RBFOX1: variants seen among roughly 807,000 people sequenced by gnomAD.
RBFOX1 encodes RNA binding protein fox-1 homolog 1.
In RBFOX1, 8 loss-of-function variants were observed where a neutral mutation model predicts 57.7. The observed-to-expected ratio is 0.14, with a 90% confidence interval of 0.08 to 0.25. The LOEUF is 0.25. RBFOX1 is among the 10% of genes least tolerant of loss of function. The probability of loss-of-function intolerance (pLI) is 1.00; values close to 1 mark genes in which losing one functional copy is unlikely to be tolerated. For synonymous variants in RBFOX1, 326 were observed against 222.4 expected (o/e 1.47, Z -4.15); for missense variants, 611 against 548.5 (o/e 1.11, Z -1.14).
chr16:7,160,171 C>A (rs2078004844), intron 4 of RBFOX1, among the ~76,000 whole-genome samples: 1 of 151,784 alleles, frequency 6.6e-6, no homozygotes, highest in Non-Finnish European at 1.5e-5. Flanking sequence ...TTCTTGGTTT[C>A]CAAACTTCAT....
chr16:6,367,431 C>T (rs2534750), intron 2 of RBFOX1, among the ~76,000 whole-genome samples: 4,910 of 152,052 alleles, frequency 0.032, 263 homozygotes, highest in African/African-American at 0.11. Context: ...CCACCATGCC[C>T]GGCTAATTTT....
At chr16:6,340,948 A>C (rs1319781371) in intron 2 of RBFOX1, among the ~76,000 whole-genome samples, 4 of 152,112 alleles carry the variant, frequency 2.6e-5, no homozygotes, top group Non-Finnish European at 4.4e-5. Context: ...CATTAGGAAA[A>C]CCAGAAGAAA....
intron 2 of RBFOX1, among the ~76,000 whole-genome samples, chr16:5,524,908 C>T (rs1180532205): frequency 1.3e-5 from 2 of 152,096 alleles, no homozygotes; most frequent in African/African-American, 2.4e-5. Context: ...ACTTCCCAGC[C>T]CCACAAGTCC....
chr16:5,441,172 T>C (rs1321855139), intron 1 of RBFOX1, among the ~76,000 whole-genome samples: 1 of 152,122 alleles, frequency 6.6e-6, no homozygotes, highest in Non-Finnish European at 1.5e-5. Flanking sequence ...TTGAAAGATA[T>C]GCATAATTTC....
chr16:7,611,210 A>G (rs376053602), intron 10 of RBFOX1, among the ~76,000 whole-genome samples: 1 of 152,260 alleles, frequency 6.6e-6, no homozygotes, highest in South Asian at 2.1e-4. Context: ...ATTAAAATCA[A>G]TATTTTCAAT....
In RBFOX1 at chr16:5,383,541, T is replaced by G. The variant is rs562368129; in HGVS notation, c.220-83675T>G. The stretch of plus-strand genomic sequence containing the variant: ...AAGACATAGAATATTCAGAGGAAAC[T>G]GCTTAAACTTTCTGAGCCTCAGTTT... On this transcript the variant is annotated intron_variant, in intron 1 of 2. Transcript: ENST00000585867. Among the ~76,000 whole-genome samples the G allele has an allele frequency of 2.0e-5, 3 of 152,344 alleles. No homozygotes were observed. The East Asian group carries it at 5.8e-4, about 29-fold the overall frequency.
chr16:7,129,563 C>G (rs1439268865), intron 4 of RBFOX1, among the ~76,000 whole-genome samples: 3 of 152,056 alleles, frequency 2.0e-5, no homozygotes, highest in Admixed American at 2.0e-4. Context: ...TTTGCCCTAT[C>G]TCCTGGGGAA....
At chr16:6,448,621 T>C (rs1850232530) in intron 2 of RBFOX1, among the ~76,000 whole-genome samples, 1 of 152,210 alleles carries the variant, frequency 6.6e-6, no homozygotes, top group Non-Finnish European at 1.5e-5. Flanking sequence ...GATGTTTCTT[T>C]TTCCCCCTAA....
chr16:7,471,552 C>G (rs992060598), intron 4 of RBFOX1, among the ~76,000 whole-genome samples: 1 of 151,934 alleles, frequency 6.6e-6, no homozygotes, highest in Non-Finnish European at 1.5e-5. Flanking sequence ...ATCAGTAGGA[C>G]ATTTCAAAAA....
intron 4 of RBFOX1, among the ~76,000 whole-genome samples, chr16:5,970,928 A>G (rs17718044): frequency 2.6e-4 from 39 of 152,336 alleles, no homozygotes; most frequent in Non-Finnish European, 5.0e-4. Context: ...AGTGCACCCT[A>G]AAGCACATAT....
chr16:6,889,096 C>T (rs1603636917), intron 3 of RBFOX1, among the ~76,000 whole-genome samples: 2 of 152,170 alleles, frequency 1.3e-5, no homozygotes, highest in South Asian at 4.1e-4. Context: ...AGGGATATCA[C>T]AGTGGACAAG....
intron 3 of RBFOX1, among the ~76,000 whole-genome samples, chr16:5,817,275 G>C (rs2055677445): frequency 6.6e-6 from 1 of 152,128 alleles, no homozygotes; most frequent in African/African-American, 2.4e-5. Context: ...ATAGCTTGGA[G>C]CTTTGAAATC....
At chr16:5,328,924 T>C (rs2064665917) in intron 1 of RBFOX1, among the ~76,000 whole-genome samples, 1 of 152,248 alleles carries the variant, frequency 6.6e-6, no homozygotes, top group Admixed American at 6.5e-5. Flanking sequence ...CTTGATGCTA[T>C]TCCTACCCTT....
intron 1 of RBFOX1, among the ~76,000 whole-genome samples, chr16:6,219,492 C>G (rs889911840): frequency 6.6e-6 from 1 of 152,156 alleles, no homozygotes; most frequent in Non-Finnish European, 1.5e-5. Context: ...GCTTCATTTT[C>G]TATTGATCCA....
At chr16:6,802,178 G>A (rs1388563187) in intron 3 of RBFOX1, among the ~76,000 whole-genome samples, 2 of 152,024 alleles carry the variant, frequency 1.3e-5, no homozygotes, top group Non-Finnish European at 2.9e-5. Flanking sequence ...GGTGGGCTTT[G>A]GTTGCATCCC....
At chr16:6,904,206 A>T (rs983742881) in intron 3 of RBFOX1, among the ~76,000 whole-genome samples, 6 of 152,302 alleles carry the variant, frequency 3.9e-5, no homozygotes, top group African/African-American at 1.4e-4. Flanking sequence ...AACACATTGC[A>T]TGCACTTTTG....
chr16:7,078,504 C>T (rs767048926), intron 4 of RBFOX1, among the ~76,000 whole-genome samples: 2 of 151,776 alleles, frequency 1.3e-5, no homozygotes, highest in East Asian at 1.9e-4. Context: ...CCTGCCATCA[C>T]GCCTGGCTAA....
intron 2 of RBFOX1, among the ~76,000 whole-genome samples, chr16:6,602,707 C>T (rs2097868508): frequency 6.6e-6 from 1 of 152,148 alleles, no homozygotes; most frequent in African/African-American, 2.4e-5. Context: ...TATGTCCAGG[C>T]TCAAGATGAG....
intron 3 of RBFOX1, among the ~76,000 whole-genome samples, chr16:6,663,829 C>A (rs562275186): frequency 6.6e-6 from 1 of 152,130 alleles, no homozygotes; most frequent in Non-Finnish European, 1.5e-5. Flanking sequence ...GCATCCTGGG[C>A]CAGGTGCAGA....
Sources: allele counts gnomAD v4.1 joint callset (sites outside exome capture counted in the v4.1 genomes callset), GRCh38; gene constraint gnomAD v4.1.1; transcripts MANE v1.5; gene names NCBI Gene and HGNC (gene_info 2026-07-23, HGNC 2026-07-21).